Variants in CPXM2 observed in about 807,000 individuals in gnomAD.
CPXM2 encodes carboxypeptidase X, M14 family member 2.
In CPXM2, 66 loss-of-function variants were observed where a neutral mutation model predicts 86.1. That is an observed-to-expected ratio of 0.77 (90% confidence interval 0.63 to 0.94). The LOEUF is 0.94. Among genes scored for constraint, CPXM2 ranks in the 40% least tolerant of loss-of-function variants. The pLI is 0.00. For synonymous variants in CPXM2, 388 were observed against 400.2 expected, an observed-to-expected ratio of 0.97 and a Z score of 0.36; for missense variants, 948 against 1,026.3, an observed-to-expected ratio of 0.92 and a Z score of 1.04.
intron 2 of CPXM2, among the ~76,000 whole-genome samples, chr10:123,923,830 C>T (rs544473570): frequency 2.2e-4 from 34 of 152,262 alleles, no homozygotes; most frequent in African/African-American, 5.8e-4. Context: ...TCCCTGCACA[C>T]GCTCTCTCCT....
intron 6 of CPXM2, among the ~76,000 whole-genome samples, chr10:123,784,894 T>G (rs1009835982): frequency 2.6e-5 from 4 of 152,356 alleles, no homozygotes; most frequent in Admixed American, 1.3e-4. Context: ...TCATACTGAC[T>G]TCCTAGAACT....
intron 2 of CPXM2, among the ~76,000 whole-genome samples, chr10:123,870,708 C>A (rs1365558132): frequency 6.6e-6 from 1 of 152,154 alleles, no homozygotes; most frequent in Non-Finnish European, 1.5e-5. Context: ...TAACACCCAC[C>A]ACAGGAGAGA....
rs1005863587 is a variant in CPXM2, at chr10:123,754,234, T to G, written c.2017+429A>C. ...CTGGTCCCTTCAAACTCTCCACTCCTCCACAAGTCACCCAGTCTACAGCTT... is the reference window on the plus strand; with the variant it reads ...CTGGTCCCTTCAAACTCTCCACTCCGCCACAAGTCACCCAGTCTACAGCTT... On this transcript the variant is annotated intron_variant, in intron 13 of 13. Coordinates refer to ENST00000241305, the MANE Select transcript of CPXM2 (RefSeq NM_198148.3). The surrounding 1 kb of genome is among the most constrained non-coding windows in gnomAD (Gnocchi z 4.0). 1.3e-5 allele frequency among the ~76,000 whole-genome samples: 2 copies of G among 152,074 alleles called. No individual in the cohort carries two copies. Among genetic ancestry groups the G allele is most frequent in the African/African-American group, 4.8e-5 (2 of 41,406 alleles).
intron 5 of CPXM2, among the ~76,000 whole-genome samples, chr10:123,798,764 C>T (rs985740342): frequency 6.6e-6 from 1 of 152,178 alleles, no homozygotes; most frequent in Non-Finnish European, 1.5e-5. Flanking sequence ...AACTAAAAGG[C>T]CAAGGTCACC....
intron 8 of CPXM2, 148 bp downstream of exon 8, chr10:123,770,768 T>C (rs910225705): frequency 8.9e-5 from 70 of 790,198 alleles, no homozygotes; most frequent in Non-Finnish European, 1.2e-4. Context: ...AGAGCCAACA[T>C]GGGCAAAATC....
chr10:123,872,919 TA>T (rs1944916390), intron 2 of CPXM2, among the ~76,000 whole-genome samples: 1 of 146,540 alleles, frequency 6.8e-6, no homozygotes. Flanking sequence ...CAACTTGCCA[TA>T]AAAAAAGAAA....
At chr10:123,803,139 T>TTTTTTTTTTTTTTTTTTTTC (rs1847498214) in intron 4 of CPXM2, among the ~76,000 whole-genome samples, 1 of 76,742 alleles carries the variant, frequency 1.3e-5, no homozygotes, top group Non-Finnish European at 2.4e-5. Context: ...TTTTTTTTTT[T>TTTTTTTTTTTTTTTTTTTTC]TTTTTTTTTT....
intron 7 of CPXM2, among the ~76,000 whole-genome samples, chr10:123,774,229 C>T (rs951220001): frequency 7.2e-5 from 11 of 152,142 alleles, no homozygotes; most frequent in Non-Finnish European, 2.9e-5. Context: ...TAGGGAGGCC[C>T]GTGGCCTTCT....
intron 2 of CPXM2, among the ~76,000 whole-genome samples, chr10:123,920,033 A>G (rs541773511): frequency 6.6e-6 from 1 of 152,314 alleles, no homozygotes; most frequent in African/African-American, 2.4e-5. Flanking sequence ...CCATGACCCA[A>G]ACACCTCACA....
chr10:123,923,987 A>G (rs1483026048), intron 2 of CPXM2, among the ~76,000 whole-genome samples: 2 of 152,236 alleles, frequency 1.3e-5, no homozygotes, highest in African/African-American at 4.8e-5. Context: ...GTGAAAACAG[A>G]CTAATACACT....
At chr10:123,869,288 G>T (rs915598515) in intron 2 of CPXM2, among the ~76,000 whole-genome samples, 4 of 152,126 alleles carry the variant, frequency 2.6e-5, no homozygotes, top group Non-Finnish European at 5.9e-5. Context: ...ACAATTAATC[G>T]CTCAGTGACT....
At chr10:123,831,476 G>A (rs779790648) in intron 4 of CPXM2, among the ~76,000 whole-genome samples, 5 of 152,178 alleles carry the variant, frequency 3.3e-5, no homozygotes, top group Non-Finnish European at 7.3e-5. Context: ...ATGTGCCCTC[G>A]GCACTTTGCC....
At chr10:123,876,590 T>C (rs1256833398) in intron 2 of CPXM2, among the ~76,000 whole-genome samples, 3 of 152,224 alleles carry the variant, frequency 2.0e-5, no homozygotes, top group African/African-American at 4.8e-5. Context: ...TTGTATGATC[T>C]GTAAAATAAG....
At chr10:123,921,021 T>C (rs988153145) in intron 2 of CPXM2, among the ~76,000 whole-genome samples, 3 of 152,150 alleles carry the variant, frequency 2.0e-5, no homozygotes, top group African/African-American at 7.2e-5. Flanking sequence ...TATTCTGTTA[T>C]AGCAACAAAA....
intron 4 of CPXM2, among the ~76,000 whole-genome samples, chr10:123,816,818 T>C (rs1380187128): frequency 6.6e-6 from 1 of 152,234 alleles, no homozygotes; most frequent in Non-Finnish European, 1.5e-5. Flanking sequence ...TTTGGAGAGA[T>C]CTTGATCGCT....
chr10:123,854,470 T>TTGTTATATATAAATATA (rs1360943791), intron 3 of CPXM2, among the ~76,000 whole-genome samples: 5 of 133,368 alleles, frequency 3.7e-5, no homozygotes, highest in African/African-American at 1.5e-4. Context: ...AATATATATT[T>TTGTTATATATAAATATA]TATATATATT....
chr10:123,852,780 A>T (rs1473166293), intron 3 of CPXM2, among the ~76,000 whole-genome samples: 1 of 151,998 alleles, frequency 6.6e-6, no homozygotes, highest in Non-Finnish European at 1.5e-5. Context: ...TGCTCTTCTC[A>T]TACCCCCTTG....
chr10:123,874,574 C>T (rs543802531), intron 2 of CPXM2, among the ~76,000 whole-genome samples: 1 of 152,160 alleles, frequency 6.6e-6, no homozygotes, highest in Non-Finnish European at 1.5e-5. Flanking sequence ...GGTTTAAGTG[C>T]CAATTTTTTT....
At chr10:123,903,345 C>T (rs774597515) in intron 2 of CPXM2, among the ~76,000 whole-genome samples, 2 of 152,216 alleles carry the variant, frequency 1.3e-5, no homozygotes, top group Non-Finnish European at 2.9e-5. Context: ...ATGCAAAGAC[C>T]TTAAGAGCAG....
Sources: gnomAD v4.1 joint callset for allele counts (sites outside exome capture counted in the v4.1 genomes callset) on GRCh38, gnomAD v4.1.1 for gene constraint, Gnocchi (gnomAD v3.1) non-coding constraint, MANE v1.5 for transcripts, NCBI Gene and HGNC (gene_info 2026-07-23, HGNC 2026-07-21) for gene names.